Variants in RTN4RL1 observed in about 807,000 individuals in gnomAD.
The protein encoded by RTN4RL1 is reticulon-4 receptor-like 1.
Under a neutral mutation model 25.6 loss-of-function variants are expected in RTN4RL1, and 7 were observed. The observed-to-expected ratio is 0.27, with a 90% CI of 0.16 to 0.51. The LOEUF is 0.51. RTN4RL1 is among the 20% of genes least tolerant of loss of function. The probability of loss-of-function intolerance (pLI) is 0.97; values close to 1 mark genes in which losing one functional copy is unlikely to be tolerated. For synonymous variants in RTN4RL1, 297 were observed against 288.2 expected (o/e 1.03, Z -0.31); for missense variants, 500 against 615.6 (o/e 0.81, Z 1.99).
chr17:1,939,352 C>CAATAAATAAATAAATA (rs56045014), intron 1 of RTN4RL1, among the ~76,000 whole-genome samples: 4 of 139,898 alleles, frequency 2.9e-5, no homozygotes, highest in Non-Finnish European at 6.2e-5. Context: ...AACTCCGTCT[C>CAATAAATAAATAAATA]AATAAATAAA....
rs2066938869 is a variant in RTN4RL1, at chr17:1,998,238, C to A, written c.13+26615G>T. On this transcript the variant is annotated intron_variant, in intron 1 of 1. Coordinates refer to ENST00000331238, the MANE Select transcript of RTN4RL1 (RefSeq NM_178568.4). The surrounding 1 kb of genome is among the most constrained non-coding windows in gnomAD (Gnocchi z 4.9). ...GGCGGGGAGGGCTGTCGCATTGATCCGGAGCTGCAGGGCGAGGGCGGTGCC... is the reference window on the plus strand; with the variant it reads ...GGCGGGGAGGGCTGTCGCATTGATCAGGAGCTGCAGGGCGAGGGCGGTGCC... 6.6e-6 allele frequency among the ~76,000 whole-genome samples: 1 copy of A among 152,110 alleles called. No individual in the cohort carries two copies. The highest frequency in any genetic ancestry group is 1.5e-5 in the Non-Finnish European group (1 of 67,996).
At chr17:2,005,640 G>A (rs947075996) in intron 1 of RTN4RL1, among the ~76,000 whole-genome samples, 11 of 152,154 alleles carry the variant, frequency 7.2e-5, no homozygotes, top group Admixed American at 6.5e-5. Context: ...GCTGAGGTGG[G>A]AGGATCGCCT....
At chr17:1,947,220 A>C (rs906040644) in intron 1 of RTN4RL1, among the ~76,000 whole-genome samples, 1 of 152,166 alleles carries the variant, frequency 6.6e-6, no homozygotes, top group Non-Finnish European at 1.5e-5. Flanking sequence ...CTGCGCACGC[A>C]CGCTTGTGTG....
At chr17:1,982,653 T>A (rs1288564403) in intron 1 of RTN4RL1, among the ~76,000 whole-genome samples, 1 of 136,406 alleles carries the variant, frequency 7.3e-6, no homozygotes, top group Non-Finnish European at 1.6e-5. Flanking sequence ...GAAAAGAAAC[T>A]CTGGGAAGGG....
At chr17:1,941,720 A>T (rs1915442129) in intron 1 of RTN4RL1, among the ~76,000 whole-genome samples, 1 of 151,910 alleles carries the variant, frequency 6.6e-6, no homozygotes, top group Non-Finnish European at 1.5e-5. Context: ...CCTCCTGGAG[A>T]GTAGGGATGT....
intron 1 of RTN4RL1, among the ~76,000 whole-genome samples, chr17:1,962,150 C>T (rs1221637061): frequency 1.3e-5 from 2 of 150,246 alleles, no homozygotes; most frequent in Non-Finnish European, 3.0e-5. Flanking sequence ...AGGCGTGGCA[C>T]GTGCATGCAG....
chr17:1,959,766 T>C (rs928077128), intron 1 of RTN4RL1, among the ~76,000 whole-genome samples: 1 of 152,128 alleles, frequency 6.6e-6, no homozygotes, highest in Admixed American at 6.5e-5. Flanking sequence ...GGTTTCGCCA[T>C]GTGGGCCCAG....
chr17:1,996,261 C>T (rs1462124073), intron 1 of RTN4RL1, among the ~76,000 whole-genome samples: 1 of 152,176 alleles, frequency 6.6e-6, no homozygotes, highest in Non-Finnish European at 1.5e-5. Flanking sequence ...CAGGTGAGAG[C>T]TGATGTTCAG....
chr17:1,997,070 A>G (rs1299299685), intron 1 of RTN4RL1, among the ~76,000 whole-genome samples: 1 of 152,068 alleles, frequency 6.6e-6, no homozygotes, highest in East Asian at 1.9e-4. Context: ...CATTCTCCAC[A>G]CTGCAGCCAG....
In RTN4RL1 at chr17:2,015,719, G is replaced by A. The variant is rs558388630; in HGVS notation, c.13+9134C>T. Among the ~76,000 whole-genome samples, 8 of 152,300 alleles carry A rather than the reference G, an allele frequency of 5.3e-5. No homozygotes were observed. The South Asian group carries it at 1.7e-3, about 32-fold the overall frequency. On this transcript the variant is annotated intron_variant, in intron 1 of 1. Coordinates refer to ENST00000331238, the MANE Select transcript of RTN4RL1 (RefSeq NM_178568.4). ...GTCTGGCTTGAGGAGTGAGAGGTGA[G>A]AATAAGGAGTCTCCAAGTGTGGACA...
chr17:1,950,938 G>C (rs1176491308), intron 1 of RTN4RL1, among the ~76,000 whole-genome samples: 1 of 149,366 alleles, frequency 6.7e-6, no homozygotes, highest in African/African-American at 2.5e-5. Context: ...GTGTGTGAAA[G>C]GAAGTTTGTT....
At chr17:1,986,708 TTC>T (rs997426591) in intron 1 of RTN4RL1, among the ~76,000 whole-genome samples, 9 of 151,560 alleles carry the variant, frequency 5.9e-5, no homozygotes, top group Non-Finnish European at 1.2e-4. Flanking sequence ...GAGAATAAAT[TTC>T]TCTGGTTTTA....
In RTN4RL1 at chr17:1,985,295, G is replaced by C. The variant is rs960690178; in HGVS notation, c.13+39558C>G. On this transcript the variant is annotated intron_variant, in intron 1 of 1. Transcript: ENST00000331238. ...TCCCCTCCTTCTTCTCACCTCCTCT[G>C]TCAACTCTGCCCGGAAATGTGGGCC... is the stretch of plus-strand genomic sequence containing the variant. 1.7e-4 allele frequency among the ~76,000 whole-genome samples: 26 copies of C among 152,182 alleles called. 1 individual carries two copies. The highest frequency in any genetic ancestry group is 1.6e-3 in the Admixed American group (25 of 15,282).
At chr17:1,968,169 C>T (rs975227882) in intron 1 of RTN4RL1, among the ~76,000 whole-genome samples, 4 of 152,134 alleles carry the variant, frequency 2.6e-5, no homozygotes, top group African/African-American at 4.8e-5. Flanking sequence ...AGCACTCTGC[C>T]GACTCCAATT....
chr17:1,941,406 A>G (rs538916909), intron 1 of RTN4RL1, among the ~76,000 whole-genome samples: 23 of 152,260 alleles, frequency 1.5e-4, no homozygotes, highest in Non-Finnish European at 2.8e-4. Flanking sequence ...GACCCAGGGC[A>G]GGAACCCTCC....
chr17:1,987,872 A>C (rs1028694792), intron 1 of RTN4RL1, among the ~76,000 whole-genome samples: 2 of 148,656 alleles, frequency 1.3e-5, no homozygotes, highest in African/African-American at 2.5e-5. Flanking sequence ...TTGGGAGGCC[A>C]AGGCAGGTGG....
At chr17:1,992,768 G>C (rs570845697) in intron 1 of RTN4RL1, among the ~76,000 whole-genome samples, 21 of 152,350 alleles carry the variant, frequency 1.4e-4, no homozygotes, top group African/African-American at 5.0e-4. Context: ...CCGGGCCTTT[G>C]CCAGTACCTA....
At chr17:1,964,724 C>A (rs989780317) in intron 1 of RTN4RL1, among the ~76,000 whole-genome samples, 3 of 151,080 alleles carry the variant, frequency 2.0e-5, no homozygotes, top group Non-Finnish European at 3.0e-5. Flanking sequence ...AGAGCAAGAA[C>A]CTGTCTCTAA....
chr17:1,939,126 G>A (rs753090733), intron 1 of RTN4RL1, among the ~76,000 whole-genome samples: 4 of 152,154 alleles, frequency 2.6e-5, no homozygotes, highest in Admixed American at 6.5e-5. Context: ...GCCGAGGCGG[G>A]CGGATCACGA....
Sources: allele counts gnomAD v4.1 joint callset (sites outside exome capture counted in the v4.1 genomes callset), GRCh38; gene constraint gnomAD v4.1.1; non-coding constraint Gnocchi (gnomAD v3.1); transcripts MANE v1.5; gene names NCBI Gene and HGNC (gene_info 2026-07-23, HGNC 2026-07-21).